The following PTPRD variants were observed in gnomAD, a reference collection of about 807,000 sequenced individuals.
The protein encoded by PTPRD is receptor-type tyrosine-protein phosphatase delta.
In PTPRD, 34 loss-of-function variants were observed where a neutral mutation model predicts 214.5. The ratio of observed to expected loss-of-function variants is 0.16; its 90% CI spans 0.12 to 0.21. The LOEUF is 0.21. Ranked by LOEUF, PTPRD falls within the 10% of genes least tolerant of loss-of-function variation. The pLI is 1.00. For synonymous variants in PTPRD, 1,128 were observed against 845.7 expected, an observed-to-expected ratio of 1.33 and a Z score of -5.79; for missense variants, 2,545 against 2,398.7, an observed-to-expected ratio of 1.06 and a Z score of -1.27.
intron 5 of PTPRD, among the ~76,000 whole-genome samples, chr9:9,774,434 T>A (rs1354141979): frequency 6.6e-6 from 1 of 152,176 alleles, no homozygotes; most frequent in Non-Finnish European, 1.5e-5. Flanking sequence ...GGGCTCAGGG[T>A]CCAAGGGTTC....
chr9:9,207,582 G>A (rs1457431667), intron 9 of PTPRD, among the ~76,000 whole-genome samples: 1 of 152,104 alleles, frequency 6.6e-6, no homozygotes, highest in Non-Finnish European at 1.5e-5. Flanking sequence ...GTGGAAAAAC[G>A]TGCTCTGTCT....
intron 14 of PTPRD, among the ~76,000 whole-genome samples, chr9:8,599,772 C>G (rs1031177524): frequency 1.3e-5 from 2 of 151,898 alleles, no homozygotes; most frequent in African/African-American, 4.8e-5. Flanking sequence ...CGTGCGCCAC[C>G]ACGCCTGGAT....
At chr9:8,527,211 G>T (rs562250642) in intron 16 of PTPRD, 134 bp downstream of exon 16, 2 of 861,586 alleles carry the variant, frequency 2.3e-6, no homozygotes, top group Non-Finnish European at 3.6e-6. Flanking sequence ...GTGTGTGTGG[G>T]AGCCACTACA....
intron 7 of PTPRD, among the ~76,000 whole-genome samples, chr9:9,644,934 C>A (rs941832862): frequency 1.3e-5 from 2 of 152,202 alleles, no homozygotes; most frequent in Non-Finnish European, 2.9e-5. Flanking sequence ...TCTTTCAAGT[C>A]TGTGTAACCT....
At chr9:10,265,448 T>C (rs2154378802) in intron 3 of PTPRD, among the ~76,000 whole-genome samples, 1 of 152,322 alleles carries the variant, frequency 6.6e-6, no homozygotes, top group Admixed American at 6.5e-5. Flanking sequence ...ATAGAATAAC[T>C]GCTCTGCTGA....
chr9:10,588,844 C>G (rs1207071749), intron 2 of PTPRD, among the ~76,000 whole-genome samples: 1 of 151,994 alleles, frequency 6.6e-6, no homozygotes, highest in Non-Finnish European at 1.5e-5. Context: ...GCCTATACTC[C>G]CTTTACTGCT....
intron 12 of PTPRD, among the ~76,000 whole-genome samples, chr9:8,680,870 G>A (rs925604371): frequency 6.6e-6 from 1 of 152,132 alleles, no homozygotes; most frequent in African/African-American, 2.4e-5. Flanking sequence ...ACATGTAGTC[G>A]AATGATTGGC....
At chr9:10,481,887 T>C (rs1399373188) in intron 2 of PTPRD, among the ~76,000 whole-genome samples, 1 of 152,040 alleles carries the variant, frequency 6.6e-6, no homozygotes, top group African/African-American at 2.4e-5. Context: ...GCTTCTGAAA[T>C]ACAGCAATTG....
rs1566949846 is a variant in PTPRD at position 9,989,032 on chromosome 9, A to AC, written c.-472+44685_-472+44686insG. Among the ~76,000 whole-genome samples, 41 of 142,250 alleles carry AC rather than the reference A, an allele frequency of 2.9e-4. 1 individual carries two copies. The East Asian group carries it at 5.3e-3, about 18-fold the overall frequency. 93.3% of individuals were successfully genotyped at this position (142,250 alleles called of 152,430 possible). The stretch of plus-strand genomic sequence containing the variant: ...TTCACTGACCAAAAAAAAAAAAAAA[A>AC]AAAAAAAAAAAAACCACAGACTTTA... On this transcript the variant is annotated intron_variant, in intron 4 of 45. Coordinates refer to ENST00000381196, the MANE Select transcript of PTPRD (RefSeq NM_002839.4).
Position 8,331,700 on chromosome 9 carries a change from T to TGAACTG in PTPRD, c.5410_5415dup (p.Gln1804_Phe1805dup). The TGAACTG allele has an allele frequency of 6.2e-7, 1 of 1,612,974 alleles. No individual in the cohort carries two copies. The highest frequency in any genetic ancestry group is 2.2e-5 in the East Asian group (1 of 44,826). On this transcript the variant is annotated inframe_insertion, in exon 44 of 46. Transcript: ENST00000381196. ...GGCACTCCTTGCTCTGGCCAGTCAG[T>TGAACTG]GAACTGGAACTGCCTTACTGTTCGG...
intron 8 of PTPRD, among the ~76,000 whole-genome samples, chr9:9,522,029 C>T (rs576296774): frequency 1.4e-3 from 215 of 151,896 alleles, no homozygotes; most frequent in African/African-American, 4.3e-3. Flanking sequence ...TGGTGGCATA[C>T]GCCTGTAATG....
intron 5 of PTPRD, among the ~76,000 whole-genome samples, chr9:9,899,801 A>T (rs967030812): frequency 2.0e-5 from 3 of 152,156 alleles, no homozygotes; most frequent in Non-Finnish European, 4.4e-5. Flanking sequence ...AATCAACTTA[A>T]GTGTCCATCA....
chr9:8,953,473 T>G (rs2099114556), intron 11 of PTPRD, among the ~76,000 whole-genome samples: 2 of 151,816 alleles, frequency 1.3e-5, no homozygotes, highest in African/African-American at 4.8e-5. Flanking sequence ...TCAAAAGCAA[T>G]GGCAACAAAA....
intron 9 of PTPRD, among the ~76,000 whole-genome samples, chr9:9,283,383 G>A (rs927835825): frequency 6.6e-6 from 1 of 151,382 alleles, no homozygotes; most frequent in Non-Finnish European, 1.5e-5. Flanking sequence ...TCATTTCCCA[G>A]GAGGAAATGT....
chr9:10,122,535 TC>T (rs888930321), intron 3 of PTPRD, among the ~76,000 whole-genome samples: 34 of 152,066 alleles, frequency 2.2e-4, no homozygotes, highest in African/African-American at 8.0e-4. Context: ...AAAAAAAACA[TC>T]CTTTTGGTTG....
chr9:9,731,028 A>C (rs1239811376), intron 7 of PTPRD, among the ~76,000 whole-genome samples: 8 of 152,180 alleles, frequency 5.3e-5, no homozygotes, highest in Non-Finnish European at 1.0e-4. Flanking sequence ...CAGATACAAA[A>C]TTCAGTGATT....
At chr9:9,206,417 G>T (rs2099944903) in intron 9 of PTPRD, among the ~76,000 whole-genome samples, 1 of 152,174 alleles carries the variant, frequency 6.6e-6, no homozygotes, top group African/African-American at 2.4e-5. Context: ...GGAGGCAAGA[G>T]AAATCAGTTA....
chr9:9,986,179 A>T (rs1027861305), intron 4 of PTPRD, among the ~76,000 whole-genome samples: 1 of 152,146 alleles, frequency 6.6e-6, no homozygotes, highest in African/African-American at 2.4e-5. Flanking sequence ...AATTGGTACA[A>T]AGTTCTGTAG....
intron 2 of PTPRD, among the ~76,000 whole-genome samples, chr9:10,383,565 C>T (rs1449747501): frequency 6.6e-6 from 1 of 151,778 alleles, no homozygotes; most frequent in Non-Finnish European, 1.5e-5. Flanking sequence ...CTTATTTTAA[C>T]TCACTTTTCT....
Sources: gnomAD v4.1 joint callset for allele counts (sites outside exome capture counted in the v4.1 genomes callset) on GRCh38, gnomAD v4.1.1 for gene constraint, MANE v1.5 for transcripts, NCBI Gene and HGNC (gene_info 2026-07-23, HGNC 2026-07-21) for gene names.